CASK: variants seen among roughly 807,000 people sequenced by gnomAD.
CASK encodes the protein calcium/calmodulin dependent serine protein kinase.
Under a neutral mutation model 82.9 loss-of-function variants are expected in CASK, and 4 were observed. That is an observed-to-expected ratio of 0.05 (90% CI 0.02 to 0.11). The LOEUF (loss-of-function observed/expected upper bound fraction) is 0.11, where lower values mean the gene tolerates loss of function less well. Ranked by LOEUF, CASK falls within the 10% of genes least tolerant of loss-of-function variation. CASK has a pLI of 1.00. For missense variants in CASK, 358 were observed against 720.9 expected (o/e 0.50, Z 5.76); for synonymous variants, 259 against 253.5 (o/e 1.02, Z -0.20).
chrX:41,531,319 A>G (rs1196730709), intron 24 of CASK, 110 bp from the exon 25 acceptor site: 6 of 637,184 alleles, frequency 9.4e-6, no homozygotes, highest in Non-Finnish European at 1.6e-5. Flanking sequence ...TGGATTCTTT[A>G]GCGTATATCT....
At chrX:41,784,899 T>C (rs1483963083) in intron 3 of CASK, among the ~76,000 whole-genome samples, 1 of 110,035 alleles carries the variant, frequency 9.1e-6, no homozygotes, top group Non-Finnish European at 1.9e-5. Context: ...ACAAAACATA[T>C]TTAAAAGAAT....
chrX:41,555,938 A>T (rs866475944), intron 19 of CASK: 1 of 204,884 alleles, frequency 4.9e-6, no homozygotes. Context: ...AAAAAAAAAA[A>T]TAAATAAAAG....
At chrX:41,764,337 T>C (rs1192505532) in intron 3 of CASK, among the ~76,000 whole-genome samples, 1 of 110,448 alleles carries the variant, frequency 9.1e-6, no homozygotes, top group Non-Finnish European at 1.9e-5. Flanking sequence ...AGAACCTCAG[T>C]CCTCAAGTCC....
chrX:41,570,317 C>T (rs1442517915), intron 15 of CASK, among the ~76,000 whole-genome samples: 3 of 110,993 alleles, frequency 2.7e-5, no homozygotes, highest in African/African-American at 9.8e-5. Context: ...CATGCCTGGC[C>T]GATAGTGCTT....
intron 5 of CASK, chrX:41,688,918 G>A (rs1474328452): frequency 2.8e-5 from 3 of 107,323 alleles, no homozygotes; most frequent in Non-Finnish European, 5.8e-5. Flanking sequence ...AAAAAAAAGA[G>A]GGGGAAAAAA....
rs200023073 is a variant in CASK, at chrX:41,739,939, AC to A, written c.357-484del. Among the ~76,000 whole-genome samples, 350 of 111,872 alleles carry A rather than the reference AC, an allele frequency of 3.1e-3. 1 individual carries two copies. Among genetic ancestry groups the A allele is most frequent in the African/African-American group, 0.011 (329 of 30,823 alleles). ...TGTGAGGACAAATGAGGGAAGAGCCACCCTTATCGGACAATTTCTTTTTGTA... is the reference window on the plus strand; with the variant it reads ...TGTGAGGACAAATGAGGGAAGAGCCACCTTATCGGACAATTTCTTTTTGTA... On this transcript the variant is annotated intron_variant, in intron 4 of 26. Transcript: ENST00000378163.
chrX:41,791,616 G>A (rs1478680892), intron 2 of CASK, among the ~76,000 whole-genome samples: 1 of 108,458 alleles, frequency 9.2e-6, no homozygotes, highest in Non-Finnish European at 1.9e-5. Context: ...CCAGCTACTC[G>A]GGAGGCTGAG....
chrX:41,921,428 G>A (rs1202538685), intron 1 of CASK, among the ~76,000 whole-genome samples: 1 of 111,465 alleles, frequency 9.0e-6, no homozygotes, highest in Non-Finnish European at 1.9e-5. Context: ...GGATCTACAG[G>A]GTTAAATAAA....
At chrX:41,602,568 C>T (rs764651773) in intron 12 of CASK, among the ~76,000 whole-genome samples, 1 of 110,841 alleles carries the variant, frequency 9.0e-6, no homozygotes, top group South Asian at 3.8e-4. Context: ...TTCCAATCTT[C>T]ATGCCCTGAA....
intron 2 of CASK, among the ~76,000 whole-genome samples, chrX:41,835,131 T>A (rs192992210): frequency 4.4e-5 from 5 of 113,019 alleles, no homozygotes; most frequent in African/African-American, 1.6e-4. Flanking sequence ...AATAGGTAGC[T>A]ATTTGTATAG....
intron 3 of CASK, among the ~76,000 whole-genome samples, chrX:41,783,509 G>A (rs1375285686): frequency 3.9e-5 from 4 of 103,272 alleles, no homozygotes; most frequent in African/African-American, 1.4e-4. Context: ...AGATCGCGCC[G>A]CTGCACGCCA....
intron 2 of CASK, among the ~76,000 whole-genome samples, chrX:41,811,014 T>C (rs1252089152): frequency 1.8e-5 from 2 of 111,469 alleles, no homozygotes; most frequent in African/African-American, 6.5e-5. Context: ...AAGGGATCAA[T>C]TCAACAAGAA....
rs147007386 is a variant in CASK, at chrX:41,531,680, A to G, written c.2318-471T>C. ...TCACTAGTGGCATTTCAAGGATTCAATAACCACGTATGGTTAGTGGCCACT... is the reference window on the plus strand; with the variant it reads ...TCACTAGTGGCATTTCAAGGATTCAGTAACCACGTATGGTTAGTGGCCACT... On this transcript the variant is annotated intron_variant, in intron 24 of 26. Transcript: ENST00000378163. Among the ~76,000 whole-genome samples the G allele has an allele frequency of 1.4e-3, 157 of 112,749 alleles. 4 individuals are homozygous for G. The East Asian group carries it at 0.03, about 21-fold the overall frequency.
At chrX:41,542,322 GC>G (rs1296435036) in intron 22 of CASK, among the ~76,000 whole-genome samples, 3 of 112,784 alleles carry the variant, frequency 2.7e-5, no homozygotes, top group Admixed American at 9.4e-5. Context: ...CCAGGCAGGA[GC>G]CAGGCGGGAG....
Position 41,673,873 on chromosome X carries a change from A to G in CASK, c.430-2343T>C, listed in dbSNP as rs183355736. On this transcript the variant is annotated intron_variant, in intron 5 of 26. Coordinates refer to ENST00000378163, the MANE Select transcript of CASK (RefSeq NM_001367721.1). ...TTTTTGCCTCCCATCATCAATATTT[A>G]TTGAGCATTTACAGTGTACTAGGCA... Among the ~76,000 whole-genome samples the G allele has an allele frequency of 1.7e-3, 111 of 64,299 alleles. 1 individual carries two copies. Among genetic ancestry groups the G allele is most frequent in the African/African-American group, 7.0e-3 (106 of 15,169 alleles). The allele number at this position is 64,299 out of a possible 115,157, so 55.8% of individuals were successfully genotyped here. A position where few individuals can be genotyped will look rare whatever the true frequency, so the allele number is the denominator to read the frequency against.
intron 21 of CASK, among the ~76,000 whole-genome samples, chrX:41,547,237 T>C (rs1177124504): frequency 8.9e-6 from 1 of 112,298 alleles, no homozygotes; most frequent in Non-Finnish European, 1.9e-5. Context: ...CCTGGCTTTA[T>C]TTATACCACC....
intron 5 of CASK, among the ~76,000 whole-genome samples, chrX:41,720,697 C>T (rs2068148836): frequency 9.0e-6 from 1 of 111,095 alleles, no homozygotes; most frequent in Non-Finnish European, 1.9e-5. Flanking sequence ...GTCCTGTGTC[C>T]TCTGGGTTCT....
intron 1 of CASK, among the ~76,000 whole-genome samples, chrX:41,863,690 G>C (rs1230294873): frequency 8.9e-6 from 1 of 112,137 alleles, no homozygotes; most frequent in Non-Finnish European, 1.9e-5. Flanking sequence ...ATATTTAGTA[G>C]AGAAACAACT....
At chrX:41,616,160 G>A (rs1007341601) in intron 11 of CASK, among the ~76,000 whole-genome samples, 31 of 111,670 alleles carry the variant, frequency 2.8e-4, no homozygotes, top group African/African-American at 9.4e-4. Context: ...ACTTATGTGC[G>A]TGCTTGTTCA....
Sources: gnomAD v4.1 joint callset for allele counts (sites outside exome capture counted in the v4.1 genomes callset) on GRCh38, gnomAD v4.1.1 for gene constraint, MANE v1.5 for transcripts, NCBI Gene and HGNC (gene_info 2026-07-23, HGNC 2026-07-21) for gene names.